The following KLF12 variants were observed in gnomAD, a reference collection of about 807,000 sequenced individuals.
The protein encoded by KLF12 is Krueppel-like factor 12.
KLF12 carries 9 observed loss-of-function variants against 37.8 expected under a neutral mutation model. That is an observed-to-expected ratio of 0.24 (90% confidence interval 0.14 to 0.42). KLF12 has a LOEUF of 0.42. Ranked by LOEUF, KLF12 falls within the 10% of genes least tolerant of loss-of-function variation. KLF12 has a pLI of 1.00. For missense variants in KLF12, 411 were observed against 516.0 expected, an observed-to-expected ratio of 0.80 and a Z score of 1.97; for synonymous variants, 208 against 202.1, an observed-to-expected ratio of 1.03 and a Z score of -0.25.
intron 4 of KLF12, among the ~76,000 whole-genome samples, chr13:73,839,836 C>CA (rs1218248631): frequency 2.6e-5 from 4 of 152,110 alleles, no homozygotes; most frequent in Admixed American, 6.6e-5. Context: ...AAAGGAACTA[C>CA]AAAAAACAGA....
intron 3 of KLF12, among the ~76,000 whole-genome samples, chr13:73,894,442 C>A (rs1252253515): frequency 6.6e-6 from 1 of 152,092 alleles, no homozygotes; most frequent in South Asian, 2.1e-4. Flanking sequence ...CTTTTTTATT[C>A]TTTTAAAAAT....
At chr13:73,774,251 G>GTATACA (rs1423342821) in intron 5 of KLF12, among the ~76,000 whole-genome samples, 2 of 149,308 alleles carry the variant, frequency 1.3e-5, no homozygotes, top group Non-Finnish European at 1.5e-5. Flanking sequence ...ATATGTGTGT[G>GTATACA]TATACATATA....
intron 4 of KLF12, among the ~76,000 whole-genome samples, chr13:73,826,763 TACACAC>T (rs59262711): frequency 1.3e-5 from 2 of 149,370 alleles, no homozygotes; most frequent in African/African-American, 2.5e-5. Flanking sequence ...ATATCATATC[TACACAC>T]ACACACACAC....
the KLF12 span, among the ~76,000 whole-genome samples, chr13:74,165,868 T>A: frequency 1.3e-5 from 2 of 152,146 alleles, no homozygotes; most frequent in East Asian, 1.9e-4. Flanking sequence ...TATGTTAGGA[T>A]CCCACATTGC....
intron 3 of KLF12, among the ~76,000 whole-genome samples, chr13:73,858,588 G>A (rs1885735820): frequency 6.6e-6 from 1 of 152,146 alleles, no homozygotes; most frequent in Non-Finnish European, 1.5e-5. Flanking sequence ...TTGATGAAAA[G>A]CTTTCCATCA....
At chr13:74,053,418 G>A (rs948821684) in intron 1 of KLF12, among the ~76,000 whole-genome samples, 1 of 152,112 alleles carries the variant, frequency 6.6e-6, no homozygotes, top group Non-Finnish European at 1.5e-5. Context: ...TCATGTGTCA[G>A]GCACTGTCCT....
intron 3 of KLF12, among the ~76,000 whole-genome samples, chr13:73,919,217 C>CA (rs772646760): frequency 3.3e-5 from 5 of 152,164 alleles, no homozygotes; most frequent in Non-Finnish European, 5.9e-5. Context: ...AGAATTCTAA[C>CA]AAGGGAGCTC....
At chr13:73,739,480 T>C (rs999591975) in intron 6 of KLF12, among the ~76,000 whole-genome samples, 12 of 152,060 alleles carry the variant, frequency 7.9e-5, no homozygotes, top group African/African-American at 2.9e-4. Flanking sequence ...TTTTAAAAAA[T>C]GTATGTCATA....
chr13:74,038,204 A>G (rs1222366245), intron 1 of KLF12, among the ~76,000 whole-genome samples: 3 of 152,202 alleles, frequency 2.0e-5, no homozygotes, highest in African/African-American at 4.8e-5. Flanking sequence ...ACTGGTAGGG[A>G]GGAGACAAGG....
At chr13:74,129,887 T>C (rs778144282) in intron 1 of KLF12, among the ~76,000 whole-genome samples, 2 of 152,202 alleles carry the variant, frequency 1.3e-5, no homozygotes, top group Non-Finnish European at 2.9e-5. Context: ...AAAGTAACCA[T>C]TTAATCCACA....
At chr13:74,153,810 T>C in the KLF12 span, among the ~76,000 whole-genome samples, 18 of 152,362 alleles carry the variant, frequency 1.2e-4, no homozygotes, top group African/African-American at 4.3e-4. Context: ...TTTCTAGGCA[T>C]GATCCCTGTG....
the KLF12 span, among the ~76,000 whole-genome samples, chr13:74,201,500 T>C: frequency 6.6e-6 from 1 of 152,200 alleles, no homozygotes; most frequent in Non-Finnish European, 1.5e-5. Flanking sequence ...TGTCTACTTA[T>C]TCCCAATAAG....
the KLF12 span, among the ~76,000 whole-genome samples, chr13:74,165,049 A>T: frequency 6.6e-6 from 1 of 152,162 alleles, no homozygotes; most frequent in East Asian, 1.9e-4. Context: ...AACTGAGGAT[A>T]ACTAGAATGT....
At chr13:73,785,893 C>T (rs1290035277) in intron 5 of KLF12, among the ~76,000 whole-genome samples, 2 of 152,134 alleles carry the variant, frequency 1.3e-5, no homozygotes, top group East Asian at 1.9e-4. Flanking sequence ...GGGCAGATAG[C>T]GGAAGGCAGC....
At chr13:73,997,129 G>C (rs1892143609) in intron 1 of KLF12, among the ~76,000 whole-genome samples, 1 of 152,170 alleles carries the variant, frequency 6.6e-6, no homozygotes, top group Admixed American at 6.5e-5. Context: ...GCTCCCAAGA[G>C]AGTGTTCAAG....
At chr13:74,017,257 CTAAAAAAAAAAAA>C (rs768172498) in intron 1 of KLF12, among the ~76,000 whole-genome samples, 1 of 59,568 alleles carries the variant, frequency 1.7e-5, no homozygotes, top group Non-Finnish European at 2.9e-5. Flanking sequence ...TGCCCTCAAC[CTAAAAAAAAAAAA>C]AAAAAAAAAA....
In KLF12 at chr13:74,124,840, C is replaced by T. The variant is rs975285789; in HGVS notation, c.-32+8899G>A. On this transcript the variant is annotated intron_variant, in intron 1 of 7. Transcript: ENST00000377669. ...TTTTTAATTTGCATTCATCCATTAGCAGGTTTGCTTTTTCTATTAAAAAAT... is the reference window on the plus strand; with the variant it reads ...TTTTTAATTTGCATTCATCCATTAGTAGGTTTGCTTTTTCTATTAAAAAAT... Among the ~76,000 whole-genome samples, 3 of 152,128 alleles carry T rather than the reference C, an allele frequency of 2.0e-5. No individual in the cohort carries two copies. In the East Asian group the frequency reaches 5.8e-4, roughly 29 times the overall value.
chr13:74,033,031 C>A (rs1893153487), intron 1 of KLF12, among the ~76,000 whole-genome samples: 2 of 152,110 alleles, frequency 1.3e-5, no homozygotes. Context: ...ATAAAAAATG[C>A]CAATTAAATA....
At chr13:74,005,172 G>T (rs1892379935) in intron 1 of KLF12, among the ~76,000 whole-genome samples, 2 of 152,098 alleles carry the variant, frequency 1.3e-5, no homozygotes, top group Admixed American at 6.5e-5. Context: ...TGAAGGTACT[G>T]CTATGAACAT....
Sources: gnomAD v4.1 joint callset for allele counts (sites outside exome capture counted in the v4.1 genomes callset) on GRCh38, gnomAD v4.1.1 for gene constraint, MANE v1.5 for transcripts, NCBI Gene and HGNC (gene_info 2026-07-23, HGNC 2026-07-21) for gene names.